ATIC: variants seen among roughly 807,000 people sequenced by gnomAD.
The protein encoded by ATIC is bifunctional purine biosynthesis protein ATIC.
Under a neutral mutation model 72.5 loss-of-function variants are expected in ATIC, and 64 were observed. The observed-to-expected ratio is 0.88, with a 90% CI of 0.72 to 1.09. The LOEUF (loss-of-function observed/expected upper bound fraction) is 1.09, where lower values mean the gene tolerates loss of function less well. Among genes scored for constraint, ATIC ranks in the 50% least tolerant of loss-of-function variants. The probability of loss-of-function intolerance (pLI) is 0.00; values close to 1 mark genes in which losing one functional copy is unlikely to be tolerated. For synonymous variants in ATIC, 281 were observed against 267.1 expected, an observed-to-expected ratio of 1.05 and a Z score of -0.51; for missense variants, 787 against 732.4, an observed-to-expected ratio of 1.07 and a Z score of -0.86.
chr2:215,361,846 A>C, the ATIC span: 1 of 1,352,432 alleles, frequency 7.4e-7, no homozygotes, highest in East Asian at 2.5e-5. Flanking sequence ...GTTTCACTTA[A>C]GTCATTTATG....
Position 215,349,085 on chromosome 2 carries a change from C to T in ATIC, c.1504-9C>T, listed in dbSNP as rs1365529715. 1 of 1,613,820 alleles carries T rather than the reference C, an allele frequency of 6.2e-7. No homozygotes were observed. Among genetic ancestry groups the T allele is most frequent in the East Asian group, 2.2e-5 (1 of 44,868 alleles). On this transcript the variant is annotated splice_polypyrimidine_tract_variant and intron_variant, in intron 14 of 15. Transcript: ENST00000236959. ...GACCAAGCTTCTTCCTTTCTCTCTC[C>T]CCGCATAGGATGAAGATTTGATAAA...
At chr2:215,367,764 A>G in the ATIC span, 3 of 1,189,014 alleles carry the variant, frequency 2.5e-6, no homozygotes, top group South Asian at 2.5e-5. Context: ...CATGTTTGGA[A>G]GAACCTGTGT....
At chr2:215,341,351 T>C (rs1483052559) in intron 12 of ATIC, among the ~76,000 whole-genome samples, 1 of 152,162 alleles carries the variant, frequency 6.6e-6, no homozygotes, top group African/African-American at 2.4e-5. Context: ...CTACTGAGAG[T>C]CTTTTTTCTA....
Position 215,336,568 on chromosome 2 carries a change from T to C in ATIC, c.1098+444T>C, listed in dbSNP as rs143216652. ...TTTTGAAAAGATAACTATTTTAAAT[T>C]TCTTGCTTATCTTTCCTGAAATAGT... On this transcript the variant is annotated intron_variant, in intron 11 of 15. Transcript: ENST00000236959. 1.3e-4 allele frequency among the ~76,000 whole-genome samples: 20 copies of C among 152,380 alleles called. No individual in the cohort carries two copies. In the East Asian group the frequency reaches 3.9e-3, roughly 29 times the overall value.
intron 12 of ATIC, among the ~76,000 whole-genome samples, chr2:215,344,283 G>A (rs2053049387): frequency 6.6e-6 from 1 of 152,208 alleles, no homozygotes; most frequent in Non-Finnish European, 1.5e-5. Flanking sequence ...CACCCCAAAT[G>A]TGTTAAATAT....
At chr2:215,365,778 ATTTAT>A in the ATIC span, 2 of 428,190 alleles carry the variant, frequency 4.7e-6, no homozygotes, top group South Asian at 5.4e-5. Context: ...ATAATGGGCC[ATTTAT>A]TTTATTTATT....
At chr2:215,343,120 A>T (rs1298601803) in intron 12 of ATIC, among the ~76,000 whole-genome samples, 1 of 151,052 alleles carries the variant, frequency 6.6e-6, no homozygotes, top group Admixed American at 6.6e-5. Context: ...GAGTGATCCA[A>T]TGTCTCTGCA....
At chr2:215,317,792 G>A (rs2052725979) in intron 2 of ATIC, among the ~76,000 whole-genome samples, 1 of 151,936 alleles carries the variant, frequency 6.6e-6, no homozygotes, top group African/African-American at 2.4e-5. Context: ...CCCGGCCAAG[G>A]ATATTTTTAA....
chr2:215,345,723 C>T (rs575601138), intron 13 of ATIC: 1 of 152,412 alleles, frequency 6.6e-6, no homozygotes, highest in South Asian at 2.1e-4. Context: ...ATTGTGTCTA[C>T]TGGTGTCAGG....
At chr2:215,360,015 T>G in the ATIC span, among the ~76,000 whole-genome samples, 1 of 152,186 alleles carries the variant, frequency 6.6e-6, no homozygotes, top group African/African-American at 2.4e-5. Context: ...CTCAGCTCAC[T>G]GCAACCTCCG....
At chr2:215,321,546 A>G (rs1389782126) in intron 4 of ATIC, among the ~76,000 whole-genome samples, 4 of 152,144 alleles carry the variant, frequency 2.6e-5, no homozygotes, top group African/African-American at 9.7e-5. Flanking sequence ...GCTTTTGAGG[A>G]ACTGCGACCC....
In ATIC at chr2:215,318,238, GT is replaced by G. The variant is rs761634994; in HGVS notation, c.223+6del. On this transcript the variant is annotated splice_donor_region_variant and intron_variant, in intron 3 of 15. Transcript: ENST00000236959. ...TGCATCCTGCAGTCCATGCTGGTAA[GT>G]GGTTGGTATCTTTAATGTAAAAACA... 3 of 1,612,206 alleles carry G rather than the reference GT, an allele frequency of 1.9e-6. No individual in the cohort carries two copies. The Admixed American group carries it at 5.0e-5, about 27-fold the overall frequency.
intron 12 of ATIC, among the ~76,000 whole-genome samples, chr2:215,339,791 C>T (rs536377257): frequency 1.9e-4 from 29 of 151,940 alleles, no homozygotes; most frequent in Admixed American, 1.3e-3. Context: ...CCCGCCACAA[C>T]GCCTGGCTAA....
rs1280656981 is a variant in ATIC, at chr2:215,312,600, T to C, written c.122T>C (p.Leu41Pro). Residue 41 changes from leucine (L) to proline (P), a missense_variant, in exon 2 of 16, where the codon CTC becomes CCC. By Grantham distance (98) the Leu-to-Pro change is moderately conservative. Coordinates refer to ENST00000236959, the MANE Select transcript of ATIC (RefSeq NM_004044.7). The stretch of plus-strand genomic sequence containing the variant: ...GCTTCCGGAGGGACTGCAAAAGCTC[T>C]CAGGGATGCTGGTCTGGCAGTCAGG... ...LVASGGTAKA[L>P]RDAGLAVRDV... 1.2e-6 allele frequency: 2 copies of C among 1,614,088 alleles called. No homozygotes were observed. Among genetic ancestry groups the C allele is most frequent in the Admixed American group, 1.7e-5 (1 of 59,994 alleles).
In ATIC at chr2:215,335,734, A is replaced by G. The variant is rs183782064; in HGVS notation, c.1009-301A>G. ...ACTAGAATGTGCTCTTGCTCATTCA[A>G]AACACTCCCTGAAGAAATATTTCCT... On this transcript the variant is annotated intron_variant, in intron 10 of 15. Coordinates refer to ENST00000236959, the MANE Select transcript of ATIC (RefSeq NM_004044.7). Among the ~76,000 whole-genome samples the G allele has an allele frequency of 9.1e-4, 139 of 152,358 alleles. No homozygotes were observed. The highest frequency in any genetic ancestry group is 1.5e-3 in the Non-Finnish European group (102 of 68,028).
chr2:215,327,105 T>C, intron 7 of ATIC, 127 bp downstream of exon 7: 3 of 1,464,690 alleles, frequency 2.0e-6, no homozygotes, highest in Non-Finnish European at 2.8e-6. Context: ...AGCCATCTGA[T>C]AACCATCTGG....
At position 215,326,121 on chromosome 2, in the gene ATIC, C is replaced by A. The variant is rs200637968; in HGVS notation, c.514C>A (p.Arg172Ser). ...TAAGGACACCTCCTTGGAGACTAGA[C>A]GCCAGTTAGCCTTGAAGGTGGGATG... The part of the protein sequence containing the change: ...ESKDTSLETR[R>S]QLALKAFTHT... The change falls in exon 6 of 16, where the codon CGC becomes AGC. Residue 172 changes from arginine to serine, a missense_variant. Coordinates refer to ENST00000236959, the MANE Select transcript of ATIC (RefSeq NM_004044.7). 16 of 1,614,008 alleles carry A rather than the reference C, an allele frequency of 9.9e-6. No individual in the cohort carries two copies. Among genetic ancestry groups the A allele is most frequent in the South Asian group, 2.2e-5 (2 of 91,072 alleles).
At chr2:215,368,523 C>A in the ATIC span, among the ~76,000 whole-genome samples, 1 of 152,178 alleles carries the variant, frequency 6.6e-6, no homozygotes. Context: ...AAAACATTGA[C>A]CCTTTTCCAA....
At chr2:215,319,108 T>G (rs947768562) in intron 3 of ATIC, among the ~76,000 whole-genome samples, 3 of 152,088 alleles carry the variant, frequency 2.0e-5, no homozygotes, top group Non-Finnish European at 4.4e-5. Context: ...CTCGAACACC[T>G]GGGCTCAAGC....
Sources: gnomAD v4.1 joint callset for allele counts (sites outside exome capture counted in the v4.1 genomes callset) on GRCh38, gnomAD v4.1.1 for gene constraint, MANE v1.5 for transcripts, NCBI Gene and HGNC (gene_info 2026-07-23, HGNC 2026-07-21) for gene names.